LMO3: variants seen among roughly 807,000 people sequenced by gnomAD.
LMO3 encodes the protein LIM domain only protein 3.
Under a neutral mutation model 15.8 loss-of-function variants are expected in LMO3, and 2 were observed. The observed-to-expected ratio is 0.13, with a 90% CI of 0.05 to 0.40. LMO3 has a LOEUF of 0.40. Ranked by LOEUF, LMO3 falls within the 10% of genes least tolerant of loss-of-function variation. LMO3 has a pLI of 0.99. For missense variants in LMO3, 86 were observed against 182.2 expected, an observed-to-expected ratio of 0.47 and a Z score of 3.04; for synonymous variants, 62 against 63.8, an observed-to-expected ratio of 0.97 and a Z score of 0.13.
intron 2 of LMO3, among the ~76,000 whole-genome samples, chr12:16,592,531 A>G (rs1225565292): frequency 6.6e-6 from 1 of 151,950 alleles, no homozygotes; most frequent in African/African-American, 2.4e-5. Flanking sequence ...CATGGAAACT[A>G]ATACTTGCAT....
At chr12:16,581,303 C>T (rs1054780362) in intron 2 of LMO3, among the ~76,000 whole-genome samples, 2 of 152,092 alleles carry the variant, frequency 1.3e-5, no homozygotes, top group Non-Finnish European at 1.5e-5. Context: ...ATCACTTGCA[C>T]CTTGGGAACT....
chr12:16,565,085 G>T (rs1009648483), intron 2 of LMO3, among the ~76,000 whole-genome samples: 1 of 151,992 alleles, frequency 6.6e-6, no homozygotes, highest in African/African-American at 2.4e-5. Context: ...CACTATGCCC[G>T]GTCTAGTATT....
intron 2 of LMO3, among the ~76,000 whole-genome samples, chr12:16,581,270 G>C (rs1046304869): frequency 6.6e-6 from 1 of 152,134 alleles, no homozygotes; most frequent in African/African-American, 2.4e-5. Context: ...CAGTCACACT[G>C]TCTGGATTTG....
chr12:16,563,582 T>C (rs1310357941), intron 2 of LMO3, among the ~76,000 whole-genome samples: 7 of 152,168 alleles, frequency 4.6e-5, no homozygotes, highest in Non-Finnish European at 8.8e-5. Flanking sequence ...CTGATAATTC[T>C]TGTAACCTCT....
chr12:16,600,951 T>A (rs1943803623), intron 1 of LMO3, 83 bp from the exon 2 acceptor site: 2 of 1,006,336 alleles, frequency 2.0e-6, no homozygotes, highest in Non-Finnish European at 2.9e-6. Context: ...TATTTAATAT[T>A]TCCTTATTCT....
At chr12:16,556,508 TTTAAAG>T (rs1381855738) in intron 3 of LMO3, among the ~76,000 whole-genome samples, 1 of 152,224 alleles carries the variant, frequency 6.6e-6, no homozygotes, top group Non-Finnish European at 1.5e-5. Flanking sequence ...GATACTTTGA[TTTAAAG>T]GTAAAGATGA....
intron 1 of LMO3, among the ~76,000 whole-genome samples, chr12:16,601,592 T>C (rs905081199): frequency 1.3e-5 from 2 of 152,184 alleles, no homozygotes; most frequent in African/African-American, 4.8e-5. Flanking sequence ...AAACCTAAAG[T>C]ATATGATTAT....
At chr12:16,605,708 A>G in intron 1 of LMO3, 1 of 1,438,020 alleles carries the variant, frequency 7.0e-7, no homozygotes, top group South Asian at 1.2e-5. Context: ...CCCGGGAGTC[A>G]GGGGTGTGGA....
intron 1 of LMO3, among the ~76,000 whole-genome samples, chr12:16,601,489 A>T (rs1369104957): frequency 6.6e-6 from 1 of 152,234 alleles, no homozygotes; most frequent in East Asian, 1.9e-4. Context: ...CAAAGTATTC[A>T]TTGTGTTCAA....
At chr12:16,606,751 A>C (rs1275915964), upstream of LMO3, 1 of 152,138 alleles carries the variant, frequency 6.6e-6, no homozygotes, top group Non-Finnish European at 1.5e-5. Context: ...GCTACTCACA[A>C]ACGCTGGGGA....
In LMO3 at chr12:16,591,180, C is replaced by T. The variant is rs1288118433; in HGVS notation, c.206+9475G>A. ...ACACAGTGACTACCCCTTATTCTTGCCCCTCCTGCTCTCCCACACCCCAGC... is the reference window on the plus strand; with the variant it reads ...ACACAGTGACTACCCCTTATTCTTGTCCCTCCTGCTCTCCCACACCCCAGC... On this transcript the variant is annotated intron_variant, in intron 2 of 3. Coordinates refer to ENST00000537304, the MANE Select transcript of LMO3 (RefSeq NM_018640.5). This position sits in a 1 kb window ranked among gnomAD's most constrained non-coding sequence, Gnocchi z 4.1. Among the ~76,000 whole-genome samples the T allele has an allele frequency of 6.6e-6, 1 of 151,942 alleles. No individual in the cohort carries two copies. Among genetic ancestry groups the T allele is most frequent in the Non-Finnish European group, 1.5e-5 (1 of 67,966 alleles).
Position 16,587,651 on chromosome 12 carries a change from C to G in LMO3, c.206+13004G>C, listed in dbSNP as rs1943362463. Among the ~76,000 whole-genome samples, 1 of 151,988 alleles carries G rather than the reference C, an allele frequency of 6.6e-6. No homozygotes were observed. The highest frequency in any genetic ancestry group is 1.5e-5 in the Non-Finnish European group (1 of 67,962). ...GCAATGGACCCTATAATAGCAAGCA[C>G]TGGTCTGTCAGGAGTGCATTTTAAC... On this transcript the variant is annotated intron_variant, in intron 2 of 3. Coordinates refer to ENST00000537304, the MANE Select transcript of LMO3 (RefSeq NM_018640.5). This position sits in a 1 kb window ranked among gnomAD's most constrained non-coding sequence, Gnocchi z 4.3.
At chr12:16,579,759 C>G (rs1943101073) in intron 2 of LMO3, among the ~76,000 whole-genome samples, 2 of 152,044 alleles carry the variant, frequency 1.3e-5, no homozygotes, top group Non-Finnish European at 2.9e-5. Context: ...TCAGAATGAC[C>G]AATAGATTCA....
Position 16,591,864 on chromosome 12 carries a change from A to G in LMO3, c.206+8791T>C, listed in dbSNP as rs1212918041. ...TTTTATGAAGTCCAGATACTTTATA[A>G]CCTCCCTGCTTCAGAATATTTTCTA... On this transcript the variant is annotated intron_variant, in intron 2 of 3. Coordinates refer to ENST00000537304, the MANE Select transcript of LMO3 (RefSeq NM_018640.5). This position sits in a 1 kb window ranked among gnomAD's most constrained non-coding sequence, Gnocchi z 4.1. 6.6e-6 allele frequency among the ~76,000 whole-genome samples: 1 copy of G among 151,036 alleles called. No homozygotes were observed. The highest frequency in any genetic ancestry group is 6.6e-5 in the Admixed American group (1 of 15,126).
chr12:16,570,230 TGTAA>T (rs1331049561), intron 2 of LMO3, among the ~76,000 whole-genome samples: 1 of 152,182 alleles, frequency 6.6e-6, no homozygotes, highest in Non-Finnish European at 1.5e-5. Context: ...AAACTTTTTA[TGTAA>T]GTAATACTTT....
At chr12:16,605,816 T>C in intron 1 of LMO3, 1 of 1,535,420 alleles carries the variant, frequency 6.5e-7, no homozygotes, top group Non-Finnish European at 8.7e-7. Flanking sequence ...ATCAACATCT[T>C]CCGCCTGCAT....
At position 16,562,344 on chromosome 12, in the gene LMO3, A is replaced by G. The variant is rs1226261403; in HGVS notation, c.207-1806T>C. Among the ~76,000 whole-genome samples, 3 of 152,194 alleles carry G rather than the reference A, an allele frequency of 2.0e-5. No individual in the cohort carries two copies. In the East Asian group the frequency reaches 5.8e-4, roughly 29 times the overall value. Reference sequence around the variant, plus strand: ...GAAAAACTTAAAAGTTCTTTATTCAATGAATATAGATATACTTGTGTATAT... The same window carrying G: ...GAAAAACTTAAAAGTTCTTTATTCAGTGAATATAGATATACTTGTGTATAT... On this transcript the variant is annotated intron_variant, in intron 2 of 3. Transcript: ENST00000537304.
intron 1 of LMO3, 65 bp downstream of exon 1, chr12:16,606,001 C>G (rs550130143): frequency 6.5e-6 from 4 of 616,370 alleles, no homozygotes; most frequent in South Asian, 3.9e-5. Context: ...CACACGCACG[C>G]GCGCACCCGC....
chr12:16,573,552 G>A (rs1204207484), intron 2 of LMO3: 2 of 152,214 alleles, frequency 1.3e-5, no homozygotes, highest in East Asian at 1.9e-4. Context: ...GATAAGGGGG[G>A]CAGTTAAAAG....
Sources: gnomAD v4.1 joint callset for allele counts (sites outside exome capture counted in the v4.1 genomes callset) on GRCh38, gnomAD v4.1.1 for gene constraint, Gnocchi (gnomAD v3.1) non-coding constraint, MANE v1.5 for transcripts, NCBI Gene and HGNC (gene_info 2026-07-23, HGNC 2026-07-21) for gene names.